Variants in ADARB2 observed in about 807,000 individuals in gnomAD.
ADARB2 encodes the protein inactive double-stranded RNA-specific editase B2.
In ADARB2, 25 loss-of-function variants were observed where a neutral mutation model predicts 62.2. That is an observed-to-expected ratio of 0.40 (90% CI 0.29 to 0.56). ADARB2 has a LOEUF of 0.56. Among genes scored for constraint, ADARB2 ranks in the 20% least tolerant of loss-of-function variants. ADARB2 has a pLI of 0.43. For missense variants in ADARB2, 1,071 were observed against 1,077.4 expected (o/e 0.99, Z 0.08); for synonymous variants, 572 against 500.8 (o/e 1.14, Z -1.90).
rs1422426288 is a variant in ADARB2, at chr10:1,556,171, G to A, written c.101-177011C>T. 3.3e-5 allele frequency among the ~76,000 whole-genome samples: 5 copies of A among 152,082 alleles called. No individual in the cohort carries two copies. In the South Asian group the frequency reaches 6.3e-4, roughly 19 times the overall value. ...GGGCACCTTCCCGTGGCTGGGAAAC[G>A]AGGACACGGCTTCAGGGCTCCATGG... On this transcript the variant is annotated intron_variant, in intron 1 of 9. Transcript: ENST00000381312.
At chr10:1,732,945 C>CT (rs1257043996) in intron 1 of ADARB2, among the ~76,000 whole-genome samples, 2 of 152,252 alleles carry the variant, frequency 1.3e-5, no homozygotes, top group African/African-American at 4.8e-5. Flanking sequence ...TCCCATGAGT[C>CT]ATGGCTTTAC....
chr10:1,282,107 T>G (rs997861758), intron 3 of ADARB2, among the ~76,000 whole-genome samples: 1 of 152,212 alleles, frequency 6.6e-6, no homozygotes, highest in Admixed American at 6.5e-5. Flanking sequence ...ATAACCTCAC[T>G]GCCTGAGTAA....
intron 1 of ADARB2, among the ~76,000 whole-genome samples, chr10:1,674,214 A>T (rs1367561475): frequency 6.6e-6 from 1 of 152,176 alleles, no homozygotes; most frequent in Non-Finnish European, 1.5e-5. Flanking sequence ...TCTTTGAAAG[A>T]TCCATTTTTT....
intron 1 of ADARB2, among the ~76,000 whole-genome samples, chr10:1,726,449 G>T (rs1340580981): frequency 1.3e-5 from 2 of 152,008 alleles, no homozygotes; most frequent in Non-Finnish European, 2.9e-5. Flanking sequence ...TTCCCTATCC[G>T]ATATCCACAG....
chr10:1,505,629 T>A (rs1285301967), intron 1 of ADARB2, among the ~76,000 whole-genome samples: 2 of 151,962 alleles, frequency 1.3e-5, no homozygotes, highest in East Asian at 3.9e-4. Flanking sequence ...ACACCTGTGG[T>A]TATGCCACTC....
chr10:1,687,329 A>G (rs1834610177), intron 1 of ADARB2, among the ~76,000 whole-genome samples: 2 of 152,152 alleles, frequency 1.3e-5, no homozygotes, highest in Admixed American at 1.3e-4. Context: ...CCCAGGCGTG[A>G]CATTTCTGTC....
chr10:1,372,583 A>T (rs544470874), intron 2 of ADARB2, among the ~76,000 whole-genome samples: 11 of 152,310 alleles, frequency 7.2e-5, no homozygotes, highest in African/African-American at 2.6e-4. Context: ...GGGCATGAAG[A>T]GGGAGGTGTG....
intron 2 of ADARB2, among the ~76,000 whole-genome samples, chr10:1,372,909 T>A (rs1832385644): frequency 6.6e-6 from 1 of 152,140 alleles, no homozygotes; most frequent in South Asian, 2.1e-4. Flanking sequence ...ACGTCAGGAT[T>A]CTTAGAAAGG....
intron 1 of ADARB2, among the ~76,000 whole-genome samples, chr10:1,459,205 A>G (rs544844411): frequency 5.9e-5 from 9 of 152,330 alleles, no homozygotes; most frequent in South Asian, 2.1e-4. Context: ...TAAATCATCT[A>G]TCATAAAGAC....
chr10:1,246,409 GC>G (rs1460585686), intron 4 of ADARB2, among the ~76,000 whole-genome samples: 3 of 120,084 alleles, frequency 2.5e-5, no homozygotes, highest in African/African-American at 9.8e-5. Flanking sequence ...TGAAGTCCTT[GC>G]CCATGCCTAT....
At chr10:1,451,237 G>A (rs1040778181) in intron 1 of ADARB2, among the ~76,000 whole-genome samples, 1 of 152,232 alleles carries the variant, frequency 6.6e-6, no homozygotes, top group African/African-American at 2.4e-5. Context: ...TGGTGAACCA[G>A]CGATACAGGT....
intron 1 of ADARB2, among the ~76,000 whole-genome samples, chr10:1,705,229 G>C (rs1324673661): frequency 1.3e-5 from 2 of 152,196 alleles, no homozygotes; most frequent in Admixed American, 6.5e-5. Flanking sequence ...CAGGTGGATG[G>C]GCCAAGGCGG....
chr10:1,569,928 G>T (rs1192525120), intron 1 of ADARB2, among the ~76,000 whole-genome samples: 1 of 151,750 alleles, frequency 6.6e-6, no homozygotes, highest in East Asian at 1.9e-4. Context: ...AATCAAAAAG[G>T]AAACCAAAAA....
chr10:1,272,169 C>T (rs1452790615), intron 3 of ADARB2, among the ~76,000 whole-genome samples: 1 of 152,194 alleles, frequency 6.6e-6, no homozygotes, highest in Non-Finnish European at 1.5e-5. Flanking sequence ...CAAATCAATT[C>T]ATCATCTCAT....
chr10:1,659,576 G>A (rs1416827826), intron 1 of ADARB2, among the ~76,000 whole-genome samples: 1 of 152,258 alleles, frequency 6.6e-6, no homozygotes, highest in Non-Finnish European at 1.5e-5. Flanking sequence ...GCTGCAGAAC[G>A]ATGAGGCTGG....
chr10:1,670,862 T>G (rs1177004428), intron 1 of ADARB2, among the ~76,000 whole-genome samples: 2 of 151,968 alleles, frequency 1.3e-5, no homozygotes, highest in Admixed American at 6.5e-5. Context: ...GCAGGAGCCG[T>G]GGCAAAAACG....
chr10:1,362,079 G>T (rs1045749684), intron 3 of ADARB2, among the ~76,000 whole-genome samples: 2 of 152,248 alleles, frequency 1.3e-5, no homozygotes, highest in Admixed American at 6.5e-5. Flanking sequence ...CTGACAGATA[G>T]GAGGCAGGAA....
At chr10:1,185,084 C>T (rs1242982901) in intron 8 of ADARB2, 45 bp from the exon 9 acceptor site, 1 of 1,580,860 alleles carries the variant, frequency 6.3e-7, no homozygotes, top group South Asian at 1.2e-5. Context: ...TTCCTGGCCT[C>T]ACACGGGGCT....
intron 1 of ADARB2, among the ~76,000 whole-genome samples, chr10:1,597,797 T>C (rs1421962122): frequency 1.3e-5 from 2 of 152,210 alleles, no homozygotes; most frequent in African/African-American, 2.4e-5. Flanking sequence ...AAAGAAATCA[T>C]TGTATAAAAA....
Sources: allele counts gnomAD v4.1 joint callset (sites outside exome capture counted in the v4.1 genomes callset), GRCh38; gene constraint gnomAD v4.1.1; transcripts MANE v1.5; gene names NCBI Gene and HGNC (gene_info 2026-07-23, HGNC 2026-07-21).